The following ADCK1 variants were observed in gnomAD, a reference collection of about 807,000 sequenced individuals.
The protein encoded by ADCK1 is aarF domain-containing protein kinase 1.
In ADCK1, 41 loss-of-function variants were observed where a neutral mutation model predicts 52.3. That is an observed-to-expected ratio of 0.78 (90% CI 0.61 to 1.02). ADCK1 has a LOEUF of 1.02. ADCK1 is among the 50% of genes least tolerant of loss of function. The probability of loss-of-function intolerance (pLI) is 0.00; values close to 1 mark genes in which losing one functional copy is unlikely to be tolerated. For synonymous variants in ADCK1, 250 were observed against 274.6 expected (o/e 0.91, Z 0.89); for missense variants, 658 against 679.5 (o/e 0.97, Z 0.35).
At chr14:77,876,697 G>A (rs968249793) in intron 4 of ADCK1, among the ~76,000 whole-genome samples, 4 of 152,148 alleles carry the variant, frequency 2.6e-5, no homozygotes, top group African/African-American at 4.8e-5. Flanking sequence ...GAGATGGGTC[G>A]CTGATCCCTG....
Position 77,877,485 on chromosome 14 carries a change from G to T in ADCK1, c.424-9606G>T, listed in dbSNP as rs550325267. On this transcript the variant is annotated intron_variant, in intron 4 of 10. Transcript: ENST00000238561. ...TTCACGGCCCTCATCAGAAATGAATGTGAGCCTTTGTGGCTGGGCGTTCAC... is the reference window on the plus strand; with the variant it reads ...TTCACGGCCCTCATCAGAAATGAATTTGAGCCTTTGTGGCTGGGCGTTCAC... Among the ~76,000 whole-genome samples the T allele has an allele frequency of 3.9e-4, 60 of 152,346 alleles. 1 individual carries two copies. The South Asian group carries it at 0.012, about 31-fold the overall frequency.
At chr14:77,814,661 G>C (rs1363924117) in intron 1 of ADCK1, among the ~76,000 whole-genome samples, 2 of 126,302 alleles carry the variant, frequency 1.6e-5, no homozygotes, top group Non-Finnish European at 3.1e-5. Context: ...TTGTGCCATT[G>C]CATTCCAGCC....
intron 3 of ADCK1, among the ~76,000 whole-genome samples, chr14:77,840,669 G>A (rs1305329057): frequency 2.0e-5 from 3 of 152,078 alleles, no homozygotes; most frequent in Non-Finnish European, 2.9e-5. Context: ...ACAACATGGT[G>A]AAACCCTGTT....
chr14:77,836,862 C>A (rs952836176), intron 3 of ADCK1, among the ~76,000 whole-genome samples: 3 of 150,118 alleles, frequency 2.0e-5, no homozygotes, highest in Admixed American at 6.7e-5. Flanking sequence ...CAACCTCTGA[C>A]CCCCGGGTTT....
intron 4 of ADCK1, among the ~76,000 whole-genome samples, chr14:77,877,639 C>T (rs772421835): frequency 1.3e-5 from 2 of 152,188 alleles, no homozygotes; most frequent in African/African-American, 2.4e-5. Flanking sequence ...GTGTCTCATT[C>T]TCCTTATTCA....
At chr14:77,852,907 A>ATATATATATATTTTT (rs1555351700) in intron 3 of ADCK1, among the ~76,000 whole-genome samples, 1 of 28,956 alleles carries the variant, frequency 3.5e-5, no homozygotes, top group African/African-American at 2.2e-4. Context: ...ATATATATAT[A>ATATATATATATTTTT]TTTTTTTTTT....
At chr14:77,927,743 C>T (rs2084229838) in intron 9 of ADCK1, among the ~76,000 whole-genome samples, 1 of 152,190 alleles carries the variant, frequency 6.6e-6, no homozygotes, top group African/African-American at 2.4e-5. Flanking sequence ...GGACACATTC[C>T]AGGCACACTC....
At chr14:77,894,736 G>GTTTTT in intron 5 of ADCK1, among the ~76,000 whole-genome samples, 5 of 36,476 alleles carry the variant, frequency 1.4e-4, no homozygotes, top group Admixed American at 4.7e-4. Context: ...TTCTTTTCTT[G>GTTTTT]TTTTTTTTTT....
chr14:77,930,239 C>T (rs963704737), intron 9 of ADCK1, among the ~76,000 whole-genome samples: 19 of 152,178 alleles, frequency 1.2e-4, no homozygotes, highest in African/African-American at 4.3e-4. Flanking sequence ...TAGTTCCTGC[C>T]TGAGAGGCAG....
intron 5 of ADCK1, among the ~76,000 whole-genome samples, chr14:77,891,841 C>T (rs1158213404): frequency 6.6e-6 from 1 of 152,176 alleles, no homozygotes; most frequent in African/African-American, 2.4e-5. Flanking sequence ...TTCTCTGGTA[C>T]AAAACCAAGA....
chr14:77,844,734 T>C (rs758541847), intron 3 of ADCK1, among the ~76,000 whole-genome samples: 13 of 152,080 alleles, frequency 8.5e-5, no homozygotes, highest in Non-Finnish European at 1.3e-4. Flanking sequence ...CTACTTGGAG[T>C]TGGGGCTAGA....
At chr14:77,816,669 C>T (rs534986922) in intron 1 of ADCK1, among the ~76,000 whole-genome samples, 6 of 151,896 alleles carry the variant, frequency 4.0e-5, no homozygotes, top group East Asian at 1.9e-4. Flanking sequence ...AGCCAGCAAA[C>T]GTAAGTGTGT....
intron 7 of ADCK1, among the ~76,000 whole-genome samples, chr14:77,911,861 A>G (rs1276328830): frequency 2.0e-5 from 3 of 152,086 alleles, no homozygotes; most frequent in Non-Finnish European, 4.4e-5. Flanking sequence ...TCAGAGACTC[A>G]GAGAGGGAAG....
chr14:77,837,359 A>C (rs933975418), intron 3 of ADCK1, among the ~76,000 whole-genome samples: 1 of 152,034 alleles, frequency 6.6e-6, no homozygotes, highest in African/African-American at 2.4e-5. Context: ...GCTGGTCTTC[A>C]ACTCCTGGGC....
At chr14:77,847,685 TGC>T (rs2082199718) in intron 3 of ADCK1, among the ~76,000 whole-genome samples, 1 of 152,250 alleles carries the variant, frequency 6.6e-6, no homozygotes. Context: ...GCCAGTGTGC[TGC>T]CCTTCCTGGC....
At chr14:77,828,446 G>T (rs532939601) in intron 3 of ADCK1, among the ~76,000 whole-genome samples, 3 of 152,326 alleles carry the variant, frequency 2.0e-5, no homozygotes, top group African/African-American at 7.2e-5. Flanking sequence ...ACATGTTAAT[G>T]ATATTCTATT....
At chr14:77,908,144 T>C in intron 7 of ADCK1, 1 of 402,050 alleles carries the variant, frequency 2.5e-6, no homozygotes, top group Non-Finnish European at 4.6e-6. Context: ...GAACCCCTTC[T>C]GCCATTACCT....
chr14:77,865,477 C>T (rs1158323141), intron 4 of ADCK1, among the ~76,000 whole-genome samples: 1 of 151,894 alleles, frequency 6.6e-6, no homozygotes, highest in Non-Finnish European at 1.5e-5. Flanking sequence ...AGTGACACCC[C>T]GTATCAAAAC....
At chr14:77,809,699 CTT>C (rs2081297749) in intron 1 of ADCK1, among the ~76,000 whole-genome samples, 1 of 151,706 alleles carries the variant, frequency 6.6e-6, no homozygotes, top group African/African-American at 2.4e-5. Context: ...TTCATAAGCT[CTT>C]TGACTTTTGA....
Sources: allele counts gnomAD v4.1 joint callset (sites outside exome capture counted in the v4.1 genomes callset), GRCh38; gene constraint gnomAD v4.1.1; transcripts MANE v1.5; gene names NCBI Gene and HGNC (gene_info 2026-07-23, HGNC 2026-07-21).